The following TBC1D4 variants were observed in gnomAD, a reference collection of about 807,000 sequenced individuals.
TBC1D4 encodes the protein TBC1 domain family member 4, also known as TBC (Tre-2, BUB2, CDC16) domain-containing protein.
A neutral mutation model predicts 142.5 loss-of-function variants in TBC1D4; 121 were observed. The ratio of observed to expected loss-of-function variants is 0.85; its 90% CI spans 0.73 to 0.99. TBC1D4 has a LOEUF of 0.99. Among genes scored for constraint, TBC1D4 ranks in the 50% least tolerant of loss-of-function variants. The probability of loss-of-function intolerance (pLI) is 0.00; values close to 1 mark genes in which losing one functional copy is unlikely to be tolerated. For synonymous variants in TBC1D4, 630 were observed against 628.2 expected, an observed-to-expected ratio of 1.00 and a Z score of -0.04; for missense variants, 1,475 against 1,606.6, an observed-to-expected ratio of 0.92 and a Z score of 1.40.
At chr13:75,363,601 A>G (rs1882711204) in intron 1 of TBC1D4, among the ~76,000 whole-genome samples, 1 of 150,828 alleles carries the variant, frequency 6.6e-6, no homozygotes, top group African/African-American at 2.5e-5. Context: ...GATCCAAGGT[A>G]CTTCTTACAT....
intron 1 of TBC1D4, among the ~76,000 whole-genome samples, chr13:75,430,185 A>G (rs1886538803): frequency 6.6e-6 from 1 of 152,228 alleles, no homozygotes; most frequent in Admixed American, 6.5e-5. Flanking sequence ...CACTGAAGAT[A>G]TACTCTGTAA....
At chr13:75,451,263 G>A (rs975173496) in intron 1 of TBC1D4, among the ~76,000 whole-genome samples, 1 of 152,058 alleles carries the variant, frequency 6.6e-6, no homozygotes, top group African/African-American at 2.4e-5. Flanking sequence ...GTGCCTCGCA[G>A]TGTCTGCACA....
intron 5 of TBC1D4, among the ~76,000 whole-genome samples, chr13:75,347,080 A>G (rs1351322963): frequency 1.3e-5 from 2 of 152,090 alleles, no homozygotes; most frequent in Non-Finnish European, 2.9e-5. Context: ...GAGTATGTGC[A>G]ATGTTAGGTT....
chr13:75,426,765 GGC>G (rs1886385492), intron 1 of TBC1D4, among the ~76,000 whole-genome samples: 1 of 152,136 alleles, frequency 6.6e-6, no homozygotes, highest in African/African-American at 2.4e-5. Flanking sequence ...ATATTGGCCA[GGC>G]ACAGTGGCTC....
intron 1 of TBC1D4, among the ~76,000 whole-genome samples, chr13:75,475,682 C>A (rs1888604322): frequency 6.6e-6 from 1 of 152,166 alleles, no homozygotes; most frequent in Non-Finnish European, 1.5e-5. Context: ...CCTCACCAAG[C>A]AATTACTCAT....
In TBC1D4 at chr13:75,306,362, T is replaced by A; in HGVS notation, c.2703A>T (p.Arg901Ser). ...ITWDKKLLNC[R>S]AKIRCDMEDI... ...CTTCCATATCACATCTGATTTTAGCTCTGCAGTTTAACAACTTCTTATCCC... is the reference window on the plus strand; with the variant it reads ...CTTCCATATCACATCTGATTTTAGCACTGCAGTTTAACAACTTCTTATCCC... Residue 901 changes from arginine to serine, a missense_variant, in exon 15 of 21, where the codon AGA becomes AGT. Physicochemically the swap from Arg to Ser is moderately radical, Grantham distance 110 (BLOSUM62 -1). Coordinates refer to ENST00000377636, the MANE Select transcript of TBC1D4 (RefSeq NM_014832.5). 6.2e-7 allele frequency: 1 copy of A among 1,613,100 alleles called. No individual in the cohort carries two copies. The highest frequency in any genetic ancestry group is 2.2e-5 in the East Asian group (1 of 44,776).
chr13:75,338,024 G>A (rs1207257928), intron 7 of TBC1D4, among the ~76,000 whole-genome samples: 1 of 152,186 alleles, frequency 6.6e-6, no homozygotes, highest in African/African-American at 2.4e-5. Flanking sequence ...TTAAGTGCCA[G>A]GTAAATAGGA....
At chr13:75,398,242 A>T (rs1884902175) in intron 1 of TBC1D4, among the ~76,000 whole-genome samples, 1 of 152,234 alleles carries the variant, frequency 6.6e-6, no homozygotes, top group African/African-American at 2.4e-5. Context: ...ATTTTAAGCC[A>T]CTAAGTTTGG....
intron 3 of TBC1D4, among the ~76,000 whole-genome samples, chr13:75,357,176 T>A (rs1373274568): frequency 6.6e-6 from 1 of 152,220 alleles, no homozygotes; most frequent in Non-Finnish European, 1.5e-5. Context: ...GATTTAGAAC[T>A]AAGAAATATA....
intron 1 of TBC1D4, among the ~76,000 whole-genome samples, chr13:75,439,321 T>A (rs1268197873): frequency 6.6e-6 from 1 of 152,218 alleles, no homozygotes; most frequent in South Asian, 2.1e-4. Context: ...ATAAAATTCA[T>A]AATTTTTTAC....
At chr13:75,451,472 T>C (rs1887527111) in intron 1 of TBC1D4, among the ~76,000 whole-genome samples, 1 of 149,492 alleles carries the variant, frequency 6.7e-6, no homozygotes, top group African/African-American at 2.4e-5. Flanking sequence ...ATAACATATA[T>C]ATTAATATTT....
Position 75,362,331 on chromosome 13 carries a change from C to T in TBC1D4, c.775G>A (p.Val259Met). 6.2e-7 allele frequency: 1 copy of T among 1,614,116 alleles called. No homozygotes were observed. The highest frequency in any genetic ancestry group is 8.5e-7 in the Non-Finnish European group (1 of 1,180,046). Residue 259 changes from valine to methionine, a missense_variant, in exon 2 of 21, where the codon GTG (valine) becomes ATG (methionine). By Grantham distance (21) the Val-to-Met change is conservative. Around this residue, in one of 2 missense-constraint regions of TBC1D4, gnomAD observed 1,227 missense variants for 1,267.7 expected, o/e 0.97. Transcript: ENST00000377636. The surrounding 1 kb of genome is among the most constrained non-coding windows in gnomAD (Gnocchi z 4.2). ...AGGCAGTCTCCGGGGGACCCGGGCA[C>T]CACCACCTCCAAGTCAGCCAGGTCC... ...GEDLADLEVV[V>M]PGSPGDCLPE...
At chr13:75,296,120 G>A (rs924261358) in intron 17 of TBC1D4, among the ~76,000 whole-genome samples, 10 of 151,598 alleles carry the variant, frequency 6.6e-5, no homozygotes, top group Non-Finnish European at 1.2e-4. Flanking sequence ...TAGAAACTCC[G>A]TTTCCACACA....
chr13:75,434,173 G>A (rs1886696775), intron 1 of TBC1D4, among the ~76,000 whole-genome samples: 1 of 152,120 alleles, frequency 6.6e-6, no homozygotes, highest in Admixed American at 6.5e-5. Context: ...TATATCCAGA[G>A]GAATATAAGT....
At chr13:75,309,063 A>G (rs2137923631) in intron 14 of TBC1D4, among the ~76,000 whole-genome samples, 1 of 152,292 alleles carries the variant, frequency 6.6e-6, no homozygotes, top group Middle Eastern at 3.4e-3. Flanking sequence ...AAATATCTAA[A>G]TTATACTTGT....
At chr13:75,309,312 G>C (rs999199680) in intron 14 of TBC1D4, among the ~76,000 whole-genome samples, 1 of 151,772 alleles carries the variant, frequency 6.6e-6, no homozygotes, top group Admixed American at 6.6e-5. Context: ...TTAGCAATAA[G>C]GCACCACAAA....
At chr13:75,301,857 C>A (rs1056035643) in intron 16 of TBC1D4, among the ~76,000 whole-genome samples, 9 of 152,152 alleles carry the variant, frequency 5.9e-5, no homozygotes, top group Non-Finnish European at 1.0e-4. Context: ...ATACCTAGTA[C>A]ACCTTTGTTA....
intron 1 of TBC1D4, among the ~76,000 whole-genome samples, chr13:75,366,625 A>C (rs1882926113): frequency 6.6e-6 from 1 of 152,186 alleles, no homozygotes; most frequent in South Asian, 2.1e-4. Context: ...GACCTCACTA[A>C]AACAATTTAG....
At chr13:75,461,909 A>G (rs1176435493) in intron 1 of TBC1D4, among the ~76,000 whole-genome samples, 1 of 152,226 alleles carries the variant, frequency 6.6e-6, no homozygotes, top group Admixed American at 6.5e-5. Context: ...TCACTTCATA[A>G]TTAACATGAG....
Sources: gnomAD v4.1 joint callset for allele counts (sites outside exome capture counted in the v4.1 genomes callset) on GRCh38, gnomAD v4.1.1 for gene constraint, gnomAD v4.1.1 regional missense constraint, Gnocchi (gnomAD v3.1) non-coding constraint, MANE v1.5 for transcripts, NCBI Gene and HGNC (gene_info 2026-07-23, HGNC 2026-07-21) for gene names.